Variants in CACNB4 observed in about 807,000 individuals in gnomAD.
CACNB4 encodes voltage-dependent L-type calcium channel subunit beta-4.
In CACNB4, 32 loss-of-function variants were observed where a neutral mutation model predicts 71.2. The ratio of observed to expected loss-of-function variants is 0.45; its 90% CI spans 0.34 to 0.60. CACNB4 has a LOEUF of 0.60. Among genes scored for constraint, CACNB4 ranks in the 20% least tolerant of loss-of-function variants. CACNB4 has a pLI of 0.01. For missense variants in CACNB4, 464 were observed against 647.9 expected, an observed-to-expected ratio of 0.72 and a Z score of 3.08; for synonymous variants, 231 against 236.9, an observed-to-expected ratio of 0.97 and a Z score of 0.23.
At chr2:151,919,794 C>T (rs1389746103) in intron 2 of CACNB4, among the ~76,000 whole-genome samples, 1 of 152,168 alleles carries the variant, frequency 6.6e-6, no homozygotes, top group African/African-American at 2.4e-5. Flanking sequence ...ATCATTAAGA[C>T]TGGATCCACC....
intron 2 of CACNB4, among the ~76,000 whole-genome samples, chr2:152,013,837 CA>C (rs1401540446): frequency 6.6e-6 from 1 of 152,224 alleles, no homozygotes; most frequent in Non-Finnish European, 1.5e-5. Context: ...ATCTTCCCAG[CA>C]TACCTTTTAC....
intron 2 of CACNB4, among the ~76,000 whole-genome samples, chr2:152,064,715 G>A (rs1042911843): frequency 1.3e-5 from 2 of 152,130 alleles, no homozygotes; most frequent in African/African-American, 2.4e-5. Context: ...ACATACATAT[G>A]TTCTTCAAAT....
chr2:152,007,885 C>A (rs574780077), intron 2 of CACNB4, among the ~76,000 whole-genome samples: 1 of 152,130 alleles, frequency 6.6e-6, no homozygotes, highest in African/African-American at 2.4e-5. Flanking sequence ...GGTTCTGCTG[C>A]TTCAGTCTCC....
chr2:151,922,556 C>T (rs1301591384), intron 2 of CACNB4, among the ~76,000 whole-genome samples: 1 of 152,144 alleles, frequency 6.6e-6, no homozygotes, highest in Non-Finnish European at 1.5e-5. Flanking sequence ...TCACAGATTC[C>T]AGGGATTAGT....
intron 2 of CACNB4, among the ~76,000 whole-genome samples, chr2:152,012,518 T>C (rs1004390888): frequency 2.0e-5 from 3 of 151,284 alleles, no homozygotes; most frequent in African/African-American, 7.3e-5. Context: ...GCTGGAGAAT[T>C]GCTTGAACCC....
intron 2 of CACNB4, among the ~76,000 whole-genome samples, chr2:152,075,672 C>G (rs1490249077): frequency 1.3e-5 from 2 of 152,190 alleles, no homozygotes; most frequent in East Asian, 3.9e-4. Flanking sequence ...CAGCCACACA[C>G]ACAGACTCCT....
At chr2:151,972,464 G>A (rs1347749291) in intron 2 of CACNB4, 1 of 152,212 alleles carries the variant, frequency 6.6e-6, no homozygotes, top group African/African-American at 2.4e-5. Flanking sequence ...CTTGATTTCA[G>A]CCACCAATGT....
intron 2 of CACNB4, among the ~76,000 whole-genome samples, chr2:152,009,994 T>A (rs11895160): frequency 0.05 from 7,582 of 152,302 alleles, 628 homozygotes; most frequent in African/African-American, 0.17. Context: ...TTAAGTTATA[T>A]CTGTTCTTAA....
Position 151,834,536 on chromosome 2 carries a change from T to C in CACNB4, c.*4583A>G, listed in dbSNP as rs1559832092. On this transcript the variant is annotated 3_prime_UTR_variant, in exon 14 of 14. Coordinates refer to ENST00000539935, the MANE Select transcript of CACNB4 (RefSeq NM_000726.5). ...AGCTGCTATCAGAGGATGTATTTTA[T>C]TTAAGAAAGTCCATTTTAATAAAAG... is the stretch of plus-strand genomic sequence containing the variant. 6.6e-6 allele frequency: 1 copy of C among 152,036 alleles called. No homozygotes were observed. Among genetic ancestry groups the C allele is most frequent in the Non-Finnish European group, 1.5e-5 (1 of 67,866 alleles). The allele number at this position is 152,036 out of a possible 1,614,324, so 9.4% of individuals were successfully genotyped here.
chr2:151,872,519 A>G, intron 5 of CACNB4, 26 bp from the exon 6 acceptor site: 2 of 1,239,236 alleles, frequency 1.6e-6, no homozygotes, highest in South Asian at 2.5e-5. Flanking sequence ...GGAACTAAAG[A>G]CTCACTCCCC....
At chr2:152,052,694 T>C (rs1011222374) in intron 2 of CACNB4, among the ~76,000 whole-genome samples, 7 of 152,114 alleles carry the variant, frequency 4.6e-5, no homozygotes, top group Non-Finnish European at 1.0e-4. Flanking sequence ...AAATACCATA[T>C]GTGGGCCAGG....
At chr2:151,869,328 T>C in intron 8 of CACNB4, 93 bp from the exon 9 acceptor site, 1 of 752,050 alleles carries the variant, frequency 1.3e-6, no homozygotes, top group South Asian at 1.6e-5. Context: ...AAGGGTACTA[T>C]GAGCCAAGAC....
Position 152,077,529 on chromosome 2 carries a change from G to A in CACNB4, c.147+20801C>T, listed in dbSNP as rs896744957. Among the ~76,000 whole-genome samples the A allele has an allele frequency of 2.0e-5, 3 of 152,126 alleles. No homozygotes were observed. In the South Asian group the frequency reaches 6.2e-4, roughly 32 times the overall value. On this transcript the variant is annotated intron_variant, in intron 2 of 13. Transcript: ENST00000539935. ...GATCGCGCCACTGCACTCCAGCCTG[G>A]GCGACAGAGCAAGACTCTGTTTTTA...
At chr2:152,047,026 A>T (rs1031532905) in intron 2 of CACNB4, among the ~76,000 whole-genome samples, 3 of 152,148 alleles carry the variant, frequency 2.0e-5, no homozygotes, top group African/African-American at 7.2e-5. Context: ...AAATAAAGAA[A>T]AATTTGAGTC....
chr2:151,938,579 T>G (rs1291091447), intron 2 of CACNB4, among the ~76,000 whole-genome samples: 1 of 152,230 alleles, frequency 6.6e-6, no homozygotes, highest in Non-Finnish European at 1.5e-5. Context: ...AGGCTGGATT[T>G]CTGTAAGTAA....
Position 151,832,802 on chromosome 2 carries a change from GA to G in CACNB4, c.*6316del, listed in dbSNP as rs1337219563. 1 of 151,510 alleles carries G rather than the reference GA, an allele frequency of 6.6e-6. No individual in the cohort carries two copies. 9.4% of individuals were successfully genotyped at this position (151,510 alleles called of 1,614,324 possible). A position where few individuals can be genotyped will look rare whatever the true frequency, so the allele number is the denominator to read the frequency against. On this transcript the variant is annotated 3_prime_UTR_variant, in exon 14 of 14. Transcript: ENST00000539935. ...TGTTTTTTTCATTTATTATATAAAAGAAAAAAAGTAATGCAGTTGTTTTGTA... is the reference window on the plus strand; with the variant it reads ...TGTTTTTTTCATTTATTATATAAAAGAAAAAAGTAATGCAGTTGTTTTGTA...
intron 2 of CACNB4, among the ~76,000 whole-genome samples, chr2:151,965,558 G>C (rs980130491): frequency 2.0e-5 from 3 of 152,150 alleles, no homozygotes; most frequent in Non-Finnish European, 4.4e-5. Flanking sequence ...AAATATTCTT[G>C]ATGATTAAGC....
intron 2 of CACNB4, among the ~76,000 whole-genome samples, chr2:151,925,476 G>T (rs1378219346): frequency 1.3e-5 from 2 of 152,138 alleles, no homozygotes; most frequent in African/African-American, 2.4e-5. Flanking sequence ...ATCCTATCAA[G>T]TTAATGTTTT....
intron 2 of CACNB4, among the ~76,000 whole-genome samples, chr2:151,886,413 T>C (rs574398396): frequency 6.8e-4 from 103 of 152,334 alleles, no homozygotes; most frequent in Non-Finnish European, 1.3e-3. Flanking sequence ...GCTGATTTCC[T>C]GAAAGTACCT....
Sources: gnomAD v4.1 joint callset for allele counts (sites outside exome capture counted in the v4.1 genomes callset) on GRCh38, gnomAD v4.1.1 for gene constraint, MANE v1.5 for transcripts, NCBI Gene and HGNC (gene_info 2026-07-23, HGNC 2026-07-21) for gene names.